The following DCT variants were observed in gnomAD, a reference collection of about 807,000 sequenced individuals.
DCT encodes dopachrome tautomerase.
Under a neutral mutation model 53.0 loss-of-function variants are expected in DCT, and 47 were observed. The observed-to-expected ratio is 0.89, with a 90% confidence interval of 0.70 to 1.13. The LOEUF (loss-of-function observed/expected upper bound fraction) is 1.13, where lower values mean the gene tolerates loss of function less well. Among genes scored for constraint, DCT ranks in the 50% most tolerant of loss-of-function variants. The pLI, the probability that DCT is intolerant of heterozygous loss-of-function variation, is 0.00. For synonymous variants in DCT, 244 were observed against 237.0 expected (o/e 1.03, Z -0.27); for missense variants, 669 against 637.4 (o/e 1.05, Z -0.53).
intron 4 of DCT, among the ~76,000 whole-genome samples, chr13:94,463,650 C>G (rs1002832734): frequency 6.6e-6 from 1 of 152,116 alleles, no homozygotes; most frequent in Non-Finnish European, 1.5e-5. Context: ...AGGCTGGTCT[C>G]GAAGTCCTGG....
the DCT span, among the ~76,000 whole-genome samples, chr13:94,521,862 A>G: frequency 6.6e-6 from 1 of 152,204 alleles, no homozygotes; most frequent in Non-Finnish European, 1.5e-5. Context: ...GAACATTTGC[A>G]TTATTATAAA....
At chr13:94,452,930 A>C (rs1464838411) in intron 6 of DCT, among the ~76,000 whole-genome samples, 3 of 152,152 alleles carry the variant, frequency 2.0e-5, no homozygotes, top group Admixed American at 6.5e-5. Flanking sequence ...AATTAGAAAA[A>C]AATTGTATTG....
intron 4 of DCT, among the ~76,000 whole-genome samples, chr13:94,464,663 A>G (rs1324158394): frequency 6.6e-6 from 1 of 152,076 alleles, no homozygotes; most frequent in Non-Finnish European, 1.5e-5. Context: ...ACAAAAAACA[A>G]AAAACAAAAC....
At chr13:94,450,309 C>T (rs1023269826) in intron 6 of DCT, among the ~76,000 whole-genome samples, 9 of 151,710 alleles carry the variant, frequency 5.9e-5, no homozygotes, top group Admixed American at 1.3e-4. Flanking sequence ...GACACAACCA[C>T]GGAAGAGAAA....
the DCT span, among the ~76,000 whole-genome samples, chr13:94,543,984 G>A: frequency 2.7e-5 from 4 of 150,626 alleles, no homozygotes; most frequent in Non-Finnish European, 5.9e-5. Flanking sequence ...GCAGTGAGCC[G>A]AGATCACGCC....
At chr13:94,490,370 T>A in the DCT span, among the ~76,000 whole-genome samples, 1 of 151,726 alleles carries the variant, frequency 6.6e-6, no homozygotes, top group Admixed American at 6.6e-5. Context: ...CTGGGCATGG[T>A]GGTGCATGCC....
chr13:94,504,450 C>T, the DCT span, among the ~76,000 whole-genome samples: 25 of 152,296 alleles, frequency 1.6e-4, no homozygotes, highest in Non-Finnish European at 3.4e-4. Context: ...TCACTGCAAC[C>T]TCCACCTCCC....
upstream of DCT, among the ~76,000 whole-genome samples, chr13:94,481,502 G>A (rs550944825): frequency 1.3e-5 from 2 of 152,270 alleles, no homozygotes; most frequent in East Asian, 1.9e-4. Context: ...AAGCCTTGGG[G>A]CTCCATAAAT....
intron 6 of DCT, among the ~76,000 whole-genome samples, chr13:94,449,666 T>C (rs1882957095): frequency 6.6e-6 from 1 of 152,204 alleles, no homozygotes. Context: ...AAAAGGTTGG[T>C]TTGGACTTTT....
At chr13:94,453,757 C>T (rs939649850) in intron 6 of DCT, among the ~76,000 whole-genome samples, 3 of 152,134 alleles carry the variant, frequency 2.0e-5, no homozygotes, top group Admixed American at 2.0e-4. Flanking sequence ...TGCACAAGTT[C>T]TCTCTTGGCT....
chr13:94,478,205 C>T (rs1323034574), intron 1 of DCT, among the ~76,000 whole-genome samples: 1 of 139,102 alleles, frequency 7.2e-6, no homozygotes, highest in Non-Finnish European at 1.5e-5. Flanking sequence ...TGCCACGTCT[C>T]GACAATTTTG....
upstream of DCT, among the ~76,000 whole-genome samples, chr13:94,481,302 C>G (rs1885432836): frequency 6.6e-6 from 1 of 152,202 alleles, no homozygotes; most frequent in South Asian, 2.1e-4. Flanking sequence ...ATGGACATAT[C>G]TTTTGGGGAA....
At chr13:94,549,338 G>A in the DCT span, among the ~76,000 whole-genome samples, 244 of 152,350 alleles carry the variant, frequency 1.6e-3, 1 homozygote, top group Admixed American at 2.5e-3. Context: ...AGCCCCCCAG[G>A]CGGCGCGCGG....
chr13:94,506,225 C>T, the DCT span, among the ~76,000 whole-genome samples: 76 of 152,292 alleles, frequency 5.0e-4, no homozygotes, highest in Non-Finnish European at 9.6e-4. Context: ...CTTAAAACTC[C>T]ATCTGGTCAT....
the DCT span, among the ~76,000 whole-genome samples, chr13:94,509,939 A>G: frequency 3.3e-5 from 5 of 152,192 alleles, no homozygotes; most frequent in African/African-American, 1.2e-4. Flanking sequence ...TTTGTTGAAG[A>G]ATCAAATTAA....
upstream of DCT, among the ~76,000 whole-genome samples, chr13:94,479,845 T>G (rs1381986494): frequency 1.3e-5 from 2 of 152,184 alleles, no homozygotes; most frequent in African/African-American, 4.8e-5. Context: ...AGGAGATCAC[T>G]TCTGGCTTTA....
chr13:94,476,667 G>T (rs1374290953), intron 1 of DCT, among the ~76,000 whole-genome samples: 1 of 151,892 alleles, frequency 6.6e-6, no homozygotes, highest in Non-Finnish European at 1.5e-5. Flanking sequence ...GTAGAGACAG[G>T]GTTTCACCAT....
At chr13:94,501,994 T>G in the DCT span, among the ~76,000 whole-genome samples, 4 of 149,370 alleles carry the variant, frequency 2.7e-5, no homozygotes, top group Middle Eastern at 3.4e-3. Context: ...CTTCTGAGGC[T>G]CTGCTGAGGG....
chr13:94,455,922 T>A (rs1285196532), intron 6 of DCT, among the ~76,000 whole-genome samples: 1 of 152,246 alleles, frequency 6.6e-6, no homozygotes, highest in Non-Finnish European at 1.5e-5. Flanking sequence ...AATTGTACAG[T>A]TGACAATGTA....
Sources: gnomAD v4.1 joint callset for allele counts (sites outside exome capture counted in the v4.1 genomes callset) on GRCh38, gnomAD v4.1.1 for gene constraint, MANE v1.5 for transcripts, NCBI Gene and HGNC (gene_info 2026-07-23, HGNC 2026-07-21) for gene names.